ANO1: variants seen among roughly 807,000 people sequenced by gnomAD.
The protein encoded by ANO1 is anoctamin 1.
Under a neutral mutation model 124.0 loss-of-function variants are expected in ANO1, and 59 were observed. That is an observed-to-expected ratio of 0.48 (90% CI 0.39 to 0.59). The LOEUF is 0.59. Among genes scored for constraint, ANO1 ranks in the 20% least tolerant of loss-of-function variants. The probability of loss-of-function intolerance (pLI) is 0.00; values close to 1 mark genes in which losing one functional copy is unlikely to be tolerated. For synonymous variants in ANO1, 529 were observed against 532.0 expected, an observed-to-expected ratio of 0.99 and a Z score of 0.08; for missense variants, 1,059 against 1,328.0, an observed-to-expected ratio of 0.80 and a Z score of 3.15.
chr11:70,113,400 A>T (rs1375542174), intron 7 of ANO1, among the ~76,000 whole-genome samples: 1 of 152,196 alleles, frequency 6.6e-6, no homozygotes, highest in Non-Finnish European at 1.5e-5. Context: ...TTTCAAGGGC[A>T]GAGTTCAGGC....
At chr11:70,078,922 G>C (rs1348276679) in intron 1 of ANO1, among the ~76,000 whole-genome samples, 3 of 151,754 alleles carry the variant, frequency 2.0e-5, no homozygotes, top group Non-Finnish European at 2.9e-5. Flanking sequence ...TGCGCTCTGA[G>C]CGTTCCGAGC....
At chr11:70,110,918 G>A (rs569550517) in intron 6 of ANO1, among the ~76,000 whole-genome samples, 127 of 152,364 alleles carry the variant, frequency 8.3e-4, no homozygotes, top group African/African-American at 3.0e-3. Context: ...GCACCTGTTA[G>A]GACACACAGG....
At chr11:70,133,791 G>A (rs954778608) in intron 11 of ANO1, among the ~76,000 whole-genome samples, 1 of 152,252 alleles carries the variant, frequency 6.6e-6, no homozygotes, top group African/African-American at 2.4e-5. Flanking sequence ...AGCCTGTGTG[G>A]TTTGCGGGTG....
At position 70,149,751 on chromosome 11, in the gene ANO1, C is replaced by T. The variant is rs771156372; in HGVS notation, c.1300C>T (p.Leu434Phe). The T allele has an allele frequency of 1.2e-6, 2 of 1,613,804 alleles. No individual in the cohort carries two copies. Among genetic ancestry groups the T allele is most frequent in the East Asian group, 2.2e-5 (1 of 44,876 alleles). The change falls in exon 12 of 26, where the codon CTC (leucine) becomes TTC (phenylalanine). Residue 434 changes from leucine to phenylalanine, a missense_variant. Leu to Phe is a conservative substitution (Grantham distance 22). This residue lies in a region of ANO1 where 809 missense variants were observed against 1,094.9 expected (regional missense o/e 0.74). Transcript: ENST00000355303. ...MEHWKRKQMR[L>F]NYRWDLTGFE... ...GCACTGGAAGCGGAAACAGATGCGACTCAACTACCGCTGGGACCTCACGGG... is the reference window on the plus strand; with the variant it reads ...GCACTGGAAGCGGAAACAGATGCGATTCAACTACCGCTGGGACCTCACGGG...
chr11:69,966,463 C>T, the ANO1 span, among the ~76,000 whole-genome samples: 7 of 152,178 alleles, frequency 4.6e-5, no homozygotes, highest in Non-Finnish European at 8.8e-5. Flanking sequence ...GTCCAGCCCC[C>T]GCCACGCCAC....
At chr11:69,987,822 T>C (rs1478183904) in intron 1 of ANO1, among the ~76,000 whole-genome samples, 10 of 152,284 alleles carry the variant, frequency 6.6e-5, no homozygotes, top group African/African-American at 2.4e-4. Flanking sequence ...GCATGGGTCA[T>C]GTCTCAGATG....
chr11:70,001,934 G>A (rs542287661), intron 1 of ANO1, among the ~76,000 whole-genome samples: 5 of 152,066 alleles, frequency 3.3e-5, no homozygotes, highest in East Asian at 3.9e-4. Context: ...CCAGTAGCTC[G>A]GATTACAGGT....
chr11:70,006,587 C>T (rs1373641342), intron 1 of ANO1, among the ~76,000 whole-genome samples: 3 of 135,180 alleles, frequency 2.2e-5, no homozygotes, highest in South Asian at 2.5e-4. Flanking sequence ...TTCTTACTTA[C>T]TTTCTTTCTT....
rs763526991 is a variant in ANO1 at position 70,186,309 on chromosome 11, GAA to G, written c.2694+615_2694+616del. On this transcript the variant is annotated intron_variant, in intron 25 of 25. Coordinates refer to ENST00000355303, the MANE Select transcript of ANO1 (RefSeq NM_018043.7). ...TCTCAAAAAAGAGAGAGAGAGAAAA[GAA>G]GGAGAAGGAGAGGAGGAGGAGGAGG... Among the ~76,000 whole-genome samples, 719 of 143,806 alleles carry G rather than the reference GAA, an allele frequency of 5.0e-3. 11 individuals are homozygous for G. Among genetic ancestry groups the G allele is most frequent in the Non-Finnish European group, 6.4e-3 (421 of 65,340 alleles). 94.3% of individuals were successfully genotyped at this position (143,806 alleles called of 152,430 possible).
intron 1 of ANO1, among the ~76,000 whole-genome samples, chr11:70,008,910 C>A (rs1370270919): frequency 6.6e-6 from 1 of 152,076 alleles, no homozygotes; most frequent in Non-Finnish European, 1.5e-5. Context: ...GTCCAGGAGA[C>A]CCACATGGAT....
chr11:70,022,278 G>C (rs1265771222), intron 1 of ANO1, among the ~76,000 whole-genome samples: 4 of 152,152 alleles, frequency 2.6e-5, no homozygotes, highest in African/African-American at 9.7e-5. Flanking sequence ...TCAAGGTTCT[G>C]GCACACAGTA....
intron 2 of ANO1, among the ~76,000 whole-genome samples, chr11:70,096,118 C>G (rs2155454): frequency 0.11 from 16,384 of 151,944 alleles, 1,133 homozygotes; most frequent in African/African-American, 0.2. Context: ...GGCGGGTCTG[C>G]TTCGCTTGTC....
chr11:70,088,059 G>A lies in ANO1; in HGVS notation c.416G>A (p.Gly139Asp). 7.2e-7 allele frequency: 1 copy of A among 1,395,484 alleles called. No individual in the cohort carries two copies. Among genetic ancestry groups the A allele is most frequent in the Non-Finnish European group, 9.4e-7 (1 of 1,068,506 alleles). The allele number at this position is 1,395,484 out of a possible 1,614,324, so 86.4% of individuals were successfully genotyped here. ...TACGAGGGCAACCTCCTGGAGGCGG[G>A]CCTGGAGCTGGAGCGGGACGAGGAC... ...EEYEGNLLEAGLELERDEDTK... is the reference protein window; with the variant it reads ...EEYEGNLLEADLELERDEDTK... Residue 139 changes from glycine to aspartate, a missense_variant, in exon 2 of 26, where the codon GGC becomes GAC. Gly to Asp is a moderately conservative substitution (Grantham distance 94). Coordinates refer to ENST00000355303, the MANE Select transcript of ANO1 (RefSeq NM_018043.7).
At chr11:70,028,613 C>T (rs1427761211) in intron 1 of ANO1, among the ~76,000 whole-genome samples, 1 of 152,144 alleles carries the variant, frequency 6.6e-6, no homozygotes, top group Non-Finnish European at 1.5e-5. Flanking sequence ...CCAACCCCCA[C>T]CACACCCCAG....
chr11:70,166,410 C>T (rs2048255323), intron 20 of ANO1, among the ~76,000 whole-genome samples: 1 of 152,186 alleles, frequency 6.6e-6, no homozygotes, highest in Admixed American at 6.6e-5. Context: ...CACCCCACTC[C>T]CCATGCTGGC....
chr11:70,186,884 TG>T (rs1256043181), intron 25 of ANO1, among the ~76,000 whole-genome samples: 1 of 152,106 alleles, frequency 6.6e-6, no homozygotes, highest in Non-Finnish European at 1.5e-5. Flanking sequence ...AAAAGGTGTG[TG>T]GGGCTGGGTT....
At chr11:70,120,021 GTGC>G (rs2046192011) in intron 8 of ANO1, among the ~76,000 whole-genome samples, 1 of 152,072 alleles carries the variant, frequency 6.6e-6, no homozygotes, top group African/African-American at 2.4e-5. Flanking sequence ...TCACAGCCTG[GTGC>G]CAAGTTTTTG....
rs187832886 is a variant in ANO1, at chr11:70,031,790, G to A, written c.58+45624G>A. ...CTGAGCACTGGCCAGGCCGCCAGCC[G>A]ACTCTCAGGCATCAATTTCCTTGGA... On this transcript the variant is annotated intron_variant, in intron 1 of 27. Transcript: ENST00000531349. 2.1e-3 allele frequency among the ~76,000 whole-genome samples: 323 copies of A among 152,308 alleles called. 1 individual carries two copies. The highest frequency in any genetic ancestry group is 7.1e-3 in the African/African-American group (295 of 41,564).
At chr11:70,154,497 C>G (rs2047729170) in intron 14 of ANO1, among the ~76,000 whole-genome samples, 1 of 121,720 alleles carries the variant, frequency 8.2e-6, no homozygotes, top group South Asian at 2.7e-4. Context: ...GAGGGAGTCT[C>G]GCTTTGTAGC....
Sources: allele counts gnomAD v4.1 joint callset (sites outside exome capture counted in the v4.1 genomes callset), GRCh38; gene constraint gnomAD v4.1.1; regional missense constraint gnomAD v4.1.1; transcripts MANE v1.5; gene names NCBI Gene and HGNC (gene_info 2026-07-23, HGNC 2026-07-21).